The following GIGYF2 variants were observed in gnomAD, a reference collection of about 807,000 sequenced individuals.
GIGYF2 encodes GRB10 interacting GYF protein 2, also known as GRB10-interacting GYF protein 2.
In GIGYF2, 25 loss-of-function variants were observed where a neutral mutation model predicts 208.1. That is an observed-to-expected ratio of 0.12 (90% CI 0.09 to 0.17). The LOEUF (loss-of-function observed/expected upper bound fraction) is 0.17, where lower values mean the gene tolerates loss of function less well. GIGYF2 is among the 10% of genes least tolerant of loss of function. The pLI is 1.00. For synonymous variants in GIGYF2, 534 were observed against 543.8 expected (o/e 0.98, Z 0.25); for missense variants, 1,302 against 1,579.4 (o/e 0.82, Z 2.98).
intron 5 of GIGYF2, among the ~76,000 whole-genome samples, chr2:232,755,863 C>T (rs1391030211): frequency 1.3e-5 from 2 of 152,190 alleles, no homozygotes; most frequent in Admixed American, 6.5e-5. Context: ...CCCTTTCAAA[C>T]CAGATCTCTT....
intron 28 of GIGYF2, among the ~76,000 whole-genome samples, chr2:232,855,925 G>T (rs543581664): frequency 4.1e-4 from 41 of 101,148 alleles, no homozygotes; most frequent in Admixed American, 1.1e-3. Context: ...TTTGCAGGGG[G>T]TTTTTTTGTT....
Position 232,760,607 on chromosome 2 carries a change from T to C in GIGYF2, c.491+16T>C, listed in dbSNP as rs762243537. 2.6e-6 allele frequency: 4 copies of C among 1,513,158 alleles called. No homozygotes were observed. Among genetic ancestry groups the C allele is most frequent in the Non-Finnish European group, 3.7e-6 (4 of 1,088,354 alleles). The allele number at this position is 1,513,158 out of a possible 1,614,324, so 93.7% of individuals were successfully genotyped here. On this transcript the variant is annotated intron_variant, in intron 7 of 28. Coordinates refer to ENST00000373563, the MANE Select transcript of GIGYF2 (RefSeq NM_001103146.3). ...GGGAGGAAAGGTAACTGGATCCACA[T>C]ATTGGCATAAAAATTTCTTGGCATA...
At chr2:232,799,653 C>T (rs140662338) in intron 14 of GIGYF2, among the ~76,000 whole-genome samples, 185 of 151,810 alleles carry the variant, frequency 1.2e-3, no homozygotes, top group African/African-American at 4.4e-3. Context: ...GGGTATATAC[C>T]AAGAAGCAGA....
chr2:232,847,969 T>A (rs1702077696), intron 27 of GIGYF2, among the ~76,000 whole-genome samples: 1 of 152,116 alleles, frequency 6.6e-6, no homozygotes, highest in Non-Finnish European at 1.5e-5. Flanking sequence ...CATGTTGTTG[T>A]TGGGGATGTA....
At chr2:232,703,299 A>G (rs1432281089) in intron 1 of GIGYF2, 125 bp from the exon 2 acceptor site, 1 of 152,604 alleles carries the variant, frequency 6.6e-6, no homozygotes, top group Non-Finnish European at 1.5e-5. Flanking sequence ...ACACCAGGTG[A>G]TCTACTCTTT....
At chr2:232,738,101 G>C (rs1156832952) in intron 3 of GIGYF2, among the ~76,000 whole-genome samples, 1 of 151,748 alleles carries the variant, frequency 6.6e-6, no homozygotes, top group Non-Finnish European at 1.5e-5. Flanking sequence ...AATTTTAGTA[G>C]AGACGGGGTT....
intron 3 of GIGYF2, 93 bp downstream of exon 3, chr2:232,735,331 G>A: frequency 1.1e-6 from 1 of 907,154 alleles, no homozygotes; most frequent in East Asian, 2.5e-5. Flanking sequence ...AAATGTGCAT[G>A]TTTTTGAAAC....
intron 22 of GIGYF2, among the ~76,000 whole-genome samples, chr2:232,835,267 A>G (rs1219561030): frequency 6.6e-6 from 1 of 152,134 alleles, no homozygotes; most frequent in Non-Finnish European, 1.5e-5. Flanking sequence ...AATTTCAGTT[A>G]TTATACTTTG....
At chr2:232,759,312 A>G (rs1169022685) in intron 6 of GIGYF2, among the ~76,000 whole-genome samples, 1 of 152,122 alleles carries the variant, frequency 6.6e-6, no homozygotes, top group African/African-American at 2.4e-5. Flanking sequence ...GCTAGGGACG[A>G]TGGCTAAGAT....
At chr2:232,810,989 T>G in intron 16 of GIGYF2, 1 of 438,826 alleles carries the variant, frequency 2.3e-6, no homozygotes, top group Non-Finnish European at 4.2e-6. Flanking sequence ...TAGACCACTT[T>G]GCACTGAATT....
intron 8 of GIGYF2, chr2:232,771,488 A>G (rs1699243465): frequency 4.7e-6 from 3 of 635,250 alleles, no homozygotes; most frequent in Non-Finnish European, 7.9e-6. Flanking sequence ...TCTAACCACA[A>G]CTTTGCCAAC....
intron 8 of GIGYF2, among the ~76,000 whole-genome samples, chr2:232,780,467 A>G (rs758172058): frequency 3.3e-5 from 5 of 152,206 alleles, no homozygotes; most frequent in Non-Finnish European, 7.3e-5. Flanking sequence ...GGAAAAAAAT[A>G]CATTTAAAAT....
At chr2:232,761,015 A>G (rs535997204) in intron 7 of GIGYF2, among the ~76,000 whole-genome samples, 1 of 152,200 alleles carries the variant, frequency 6.6e-6, no homozygotes, top group South Asian at 2.1e-4. Flanking sequence ...AAATAAGCCA[A>G]ACAGATTGAT....
chr2:232,838,301 C>T (rs1574942631), intron 22 of GIGYF2, among the ~76,000 whole-genome samples: 1 of 150,956 alleles, frequency 6.6e-6, no homozygotes, highest in South Asian at 2.1e-4. Context: ...TATATATATA[C>T]ACGCATATGT....
Position 232,791,333 on chromosome 2 carries a change from A to G in GIGYF2, c.1169A>G (p.Glu390Gly), listed in dbSNP as rs1288396527. 3.7e-6 allele frequency: 6 copies of G among 1,613,982 alleles called. No homozygotes were observed. Among genetic ancestry groups the G allele is most frequent in the Non-Finnish European group, 5.1e-6 (6 of 1,179,956 alleles). ...PGTPSDHQSQ[E>G]ASQFERKDEP... Reference sequence around the variant, plus strand: ...ACTCCTTCAGACCATCAGTCTCAGGAAGCATCACAGTTTGAGAGGAAAGAT... The same window carrying G: ...ACTCCTTCAGACCATCAGTCTCAGGGAGCATCACAGTTTGAGAGGAAAGAT... Residue 390 changes from glutamate to glycine, a missense_variant, in exon 12 of 29, where the codon GAA (glutamate) becomes GGA (glycine). Coordinates refer to ENST00000373563, the MANE Select transcript of GIGYF2 (RefSeq NM_001103146.3).
chr2:232,820,189 T>A (rs1302714433), intron 21 of GIGYF2, among the ~76,000 whole-genome samples: 2 of 152,206 alleles, frequency 1.3e-5, no homozygotes, highest in Non-Finnish European at 2.9e-5. Flanking sequence ...AAAATTTGTC[T>A]TATCTTTCTG....
At position 232,815,767 on chromosome 2, in the gene GIGYF2, A is replaced by G. The variant is rs1168799473; in HGVS notation, c.2208+30A>G. On this transcript the variant is annotated intron_variant, in intron 19 of 28. Transcript: ENST00000373563. ...GAAACTCATTCTTCTGCAACAGTGC[A>G]TTGTCATCTGGCTGCAGGACATAAA... The G allele has an allele frequency of 1.4e-5, 15 of 1,087,456 alleles. No individual in the cohort carries two copies. The African/African-American group carries it at 2.0e-4, about 14-fold the overall frequency. 67.4% of individuals were successfully genotyped at this position (1,087,456 alleles called of 1,614,324 possible).
chr2:232,729,666 G>T, intron 2 of GIGYF2: 2 of 930,654 alleles, frequency 2.1e-6, no homozygotes, highest in South Asian at 1.4e-5. Flanking sequence ...TATCCCACTT[G>T]AACTAGTTTA....
At chr2:232,756,482 C>G (rs1698546725) in intron 6 of GIGYF2, 148 bp downstream of exon 6, 1 of 547,030 alleles carries the variant, frequency 1.8e-6, no homozygotes, top group Non-Finnish European at 3.2e-6. Flanking sequence ...TATTCAGAAC[C>G]ATTTTTTAGA....
Sources: gnomAD v4.1 joint callset for allele counts (sites outside exome capture counted in the v4.1 genomes callset) on GRCh38, gnomAD v4.1.1 for gene constraint, MANE v1.5 for transcripts, NCBI Gene and HGNC (gene_info 2026-07-23, HGNC 2026-07-21) for gene names.